Variants in F13A1 observed in about 807,000 individuals in gnomAD.
The protein encoded by F13A1 is FSF, A subunit.
F13A1 carries 47 observed loss-of-function variants against 80.1 expected under a neutral mutation model. The ratio of observed to expected loss-of-function variants is 0.59; its 90% CI spans 0.46 to 0.75. The LOEUF (loss-of-function observed/expected upper bound fraction) is 0.75. F13A1 is among the 30% of genes least tolerant of loss of function. The probability of loss-of-function intolerance (pLI) is 0.00; values close to 1 mark genes in which losing one functional copy is unlikely to be tolerated. For synonymous variants in F13A1, 349 were observed against 344.9 expected, an observed-to-expected ratio of 1.01 and a Z score of -0.13; for missense variants, 817 against 930.4, an observed-to-expected ratio of 0.88 and a Z score of 1.59.
At chr6:6,258,517 T>G (rs1400140304) in intron 4 of F13A1, among the ~76,000 whole-genome samples, 1 of 152,120 alleles carries the variant, frequency 6.6e-6, no homozygotes, top group East Asian at 1.9e-4. Flanking sequence ...GTCTCTGCAT[T>G]AGACACTTCC....
chr6:6,285,185 G>T (rs1259576309), intron 3 of F13A1, among the ~76,000 whole-genome samples: 2 of 152,172 alleles, frequency 1.3e-5, no homozygotes, highest in East Asian at 1.9e-4. Flanking sequence ...GGAGGCAGAG[G>T]TTGCAGTGAG....
chr6:6,195,010 G>A lies in F13A1; in HGVS notation c.1305+787C>T, dbSNP rs573544867. ...AGGCAAAGTGAAAGACATTATTTCA[G>A]TGTATTTACTGGTGCAAATATACCC... On this transcript the variant is annotated intron_variant, in intron 10 of 14. Transcript: ENST00000264870. 2.6e-5 allele frequency among the ~76,000 whole-genome samples: 4 copies of A among 152,356 alleles called. No homozygotes were observed. In the South Asian group the frequency reaches 6.2e-4, roughly 24 times the overall value.
intron 13 of F13A1, among the ~76,000 whole-genome samples, chr6:6,166,785 G>A (rs1394718749): frequency 1.3e-5 from 2 of 152,210 alleles, no homozygotes; most frequent in Non-Finnish European, 2.9e-5. Context: ...AGAGATTTCT[G>A]GTGATCACTG....
intron 13 of F13A1, among the ~76,000 whole-genome samples, chr6:6,153,755 A>G (rs759314713): frequency 6.6e-6 from 1 of 152,168 alleles, no homozygotes; most frequent in Non-Finnish European, 1.5e-5. Context: ...TATTTGAGGC[A>G]CCCCTGTTGA....
intron 13 of F13A1, among the ~76,000 whole-genome samples, chr6:6,154,092 G>T (rs1181119512): frequency 7.0e-6 from 1 of 142,196 alleles, no homozygotes; most frequent in South Asian, 2.5e-4. Flanking sequence ...AGCTGGAAAA[G>T]CCAACAACTC....
intron 3 of F13A1, among the ~76,000 whole-genome samples, chr6:6,300,100 G>T (rs1758399264): frequency 6.9e-6 from 1 of 145,298 alleles, no homozygotes; most frequent in South Asian, 2.1e-4. Flanking sequence ...GAGGCAGTCT[G>T]CCTGTTCTCA....
At chr6:6,220,332 T>C (rs1423127612) in intron 8 of F13A1, among the ~76,000 whole-genome samples, 1 of 151,982 alleles carries the variant, frequency 6.6e-6, no homozygotes, top group East Asian at 1.9e-4. Context: ...ACAAATGGTG[T>C]CAGGAAAAGG....
intron 8 of F13A1, among the ~76,000 whole-genome samples, chr6:6,198,010 T>G (rs1761321512): frequency 6.6e-6 from 1 of 152,272 alleles, no homozygotes; most frequent in Non-Finnish European, 1.5e-5. Context: ...ATATTTATTT[T>G]GAACTTTTTA....
chr6:6,160,807 T>C (rs1760560173), intron 13 of F13A1, among the ~76,000 whole-genome samples: 1 of 151,694 alleles, frequency 6.6e-6, no homozygotes, highest in African/African-American at 2.4e-5. Flanking sequence ...AGCAAACGCT[T>C]ACTTTTAAAA....
intron 6 of F13A1, among the ~76,000 whole-genome samples, chr6:6,237,627 C>A (rs1757430414): frequency 6.6e-6 from 1 of 152,200 alleles, no homozygotes; most frequent in African/African-American, 2.4e-5. Flanking sequence ...CCCTGGGAAT[C>A]TTTACTTATC....
rs781605523 is a variant in F13A1, at chr6:6,222,080, C to T, written c.1065G>A (p.Leu355=). ...NDANLQMDIF[L]EEDGNVNSKL... is the part of the protein sequence containing the mutation. ...TGGAATTCACGTTCCCATCTTCTTCCAGGAAGATGTCCATTTGCAAATTGG... is the reference window on the plus strand; with the variant it reads ...TGGAATTCACGTTCCCATCTTCTTCTAGGAAGATGTCCATTTGCAAATTGG... Residue 355 remains leucine (L), a synonymous_variant, in exon 8 of 15, where the codon CTG becomes CTA. Coordinates refer to ENST00000264870, the MANE Select transcript of F13A1 (RefSeq NM_000129.4). 2 of 1,613,990 alleles carry T rather than the reference C, an allele frequency of 1.2e-6. No homozygotes were observed. The highest frequency in any genetic ancestry group is 1.1e-5 in the South Asian group (1 of 91,078).
intron 12 of F13A1, among the ~76,000 whole-genome samples, chr6:6,168,289 TC>T (rs1421354474): frequency 6.6e-6 from 1 of 152,178 alleles, no homozygotes; most frequent in Non-Finnish European, 1.5e-5. Context: ...GATTTCTAGG[TC>T]CTGGGGACAA....
intron 2 of F13A1, among the ~76,000 whole-genome samples, chr6:6,313,440 A>C (rs536804025): frequency 6.5e-4 from 99 of 152,306 alleles, no homozygotes; most frequent in Non-Finnish European, 1.2e-3. Flanking sequence ...CCGGAGGAGC[A>C]ACTGCCTCCC....
intron 3 of F13A1, among the ~76,000 whole-genome samples, chr6:6,282,143 C>T (rs1221065303): frequency 2.0e-5 from 3 of 152,008 alleles, no homozygotes; most frequent in Non-Finnish European, 4.4e-5. Context: ...TACTAATGAG[C>T]ACACCTAGGA....
chr6:6,256,859 C>G (rs1334751308), intron 4 of F13A1, among the ~76,000 whole-genome samples: 1 of 151,660 alleles, frequency 6.6e-6, no homozygotes, highest in Non-Finnish European at 1.5e-5. Flanking sequence ...GTTCCATTTC[C>G]TTGGTCATTA....
In F13A1 at chr6:6,266,717, T is replaced by C. The variant is rs1424720526; in HGVS notation, c.412A>G (p.Arg138Gly). The C allele has an allele frequency of 3.1e-6, 5 of 1,614,170 alleles. No individual in the cohort carries two copies. The highest frequency in any genetic ancestry group is 4.2e-6 in the Non-Finnish European group (5 of 1,180,030). The change falls in exon 4 of 15, where the codon AGA (arginine) becomes GGA (glycine). Residue 138 changes from arginine to glycine, a missense_variant. Arg to Gly is a moderately radical substitution (Grantham distance 125, BLOSUM62 -2). Coordinates refer to ENST00000264870, the MANE Select transcript of F13A1 (RefSeq NM_000129.4). ...GACAGCCGCACAGACCTGTCCTCTCTCATGACAATCTTGGCCCCCCACTTT... is the reference window on the plus strand; with the variant it reads ...GACAGCCGCACAGACCTGTCCTCTCCCATGACAATCTTGGCCCCCCACTTT... ...SGKWGAKIVMREDRSVRLSIQ... is the reference protein window; with the variant it reads ...SGKWGAKIVMGEDRSVRLSIQ...
intron 3 of F13A1, 87 bp downstream of exon 3, chr6:6,305,264 T>C: frequency 1.4e-6 from 2 of 1,439,590 alleles, no homozygotes; most frequent in Non-Finnish European, 2.0e-6. Flanking sequence ...CATATGACAC[T>C]AGGAAATCAC....
rs531331389 is a variant in F13A1, at chr6:6,290,082, C to T, written c.319+15269G>A. ...TTACTACTCTAATCCCAATATGGTG[C>T]TTTGCACATACAAAGTATTAAATAA... On this transcript the variant is annotated intron_variant, in intron 3 of 14. Transcript: ENST00000264870. 2.0e-5 allele frequency among the ~76,000 whole-genome samples: 3 copies of T among 152,290 alleles called. No individual in the cohort carries two copies. In the South Asian group the frequency reaches 6.2e-4, roughly 32 times the overall value.
chr6:6,267,742 A>T (rs982062912), intron 3 of F13A1, among the ~76,000 whole-genome samples: 5 of 151,600 alleles, frequency 3.3e-5, no homozygotes, highest in African/African-American at 1.2e-4. Context: ...GATAGATTTA[A>T]AAAAAAATAA....
Sources: gnomAD v4.1 joint callset for allele counts (sites outside exome capture counted in the v4.1 genomes callset) on GRCh38, gnomAD v4.1.1 for gene constraint, MANE v1.5 for transcripts, NCBI Gene and HGNC (gene_info 2026-07-23, HGNC 2026-07-21) for gene names.